The following SLC15A5 variants were observed in gnomAD, a reference collection of about 807,000 sequenced individuals.
SLC15A5 encodes the protein Peptide/histidine transporter ENSP00000340402.
Under a neutral mutation model 56.1 loss-of-function variants are expected in SLC15A5, and 58 were observed. That is an observed-to-expected ratio of 1.03 (90% CI 0.84 to 1.29). The LOEUF is 1.29. Ranked by LOEUF, SLC15A5 falls within the 50% of genes most tolerant of loss-of-function variation. The pLI is 0.00. For synonymous variants in SLC15A5, 264 were observed against 250.5 expected (o/e 1.05, Z -0.51); for missense variants, 681 against 672.1 (o/e 1.01, Z -0.15).
chr12:16,205,455 A>T (rs1351538513), intron 7 of SLC15A5, among the ~76,000 whole-genome samples: 3 of 150,530 alleles, frequency 2.0e-5, no homozygotes, highest in Non-Finnish European at 3.0e-5. Context: ...TGATCATAGA[A>T]AAGGATGCTT....
chr12:16,242,833 G>A (rs1019628898), intron 4 of SLC15A5, among the ~76,000 whole-genome samples: 1 of 152,096 alleles, frequency 6.6e-6, no homozygotes, highest in African/African-American at 2.4e-5. Flanking sequence ...GTTAGCTATG[G>A]GCCATGTAGT....
At chr12:16,270,361 T>C (rs1864738892) in intron 2 of SLC15A5, among the ~76,000 whole-genome samples, 1 of 152,186 alleles carries the variant, frequency 6.6e-6, no homozygotes, top group South Asian at 2.1e-4. Context: ...AAGGGGTATG[T>C]TGTTTTTTAA....
At chr12:16,190,483 T>G (rs1243764503) in intron 8 of SLC15A5, among the ~76,000 whole-genome samples, 2 of 152,212 alleles carry the variant, frequency 1.3e-5, no homozygotes, top group Non-Finnish European at 2.9e-5. Context: ...GACAAATTAC[T>G]TTCTTAAACA....
At chr12:16,236,886 A>T (rs930867764) in intron 5 of SLC15A5, among the ~76,000 whole-genome samples, 4 of 152,232 alleles carry the variant, frequency 2.6e-5, no homozygotes, top group Non-Finnish European at 4.4e-5. Flanking sequence ...TCTAACAGCT[A>T]CGTTTAGCCG....
intron 3 of SLC15A5, among the ~76,000 whole-genome samples, chr12:16,248,901 G>T (rs578119997): frequency 7.3e-4 from 111 of 152,158 alleles, no homozygotes; most frequent in Non-Finnish European, 1.1e-3. Flanking sequence ...CACACCAGGC[G>T]TGCACATTTT....
chr12:16,201,261 A>G (rs1863952132), intron 7 of SLC15A5, among the ~76,000 whole-genome samples: 1 of 152,154 alleles, frequency 6.6e-6, no homozygotes, highest in Non-Finnish European at 1.5e-5. Flanking sequence ...TTCATATGGA[A>G]CCACAAAACA....
intron 1 of SLC15A5, among the ~76,000 whole-genome samples, chr12:16,276,945 T>C (rs1434173066): frequency 6.6e-6 from 1 of 152,084 alleles, no homozygotes; most frequent in Non-Finnish European, 1.5e-5. Flanking sequence ...AAAACCTTTT[T>C]TAGCACATTT....
At chr12:16,261,117 G>T (rs187822867) in intron 2 of SLC15A5, among the ~76,000 whole-genome samples, 1 of 151,894 alleles carries the variant, frequency 6.6e-6, no homozygotes, top group East Asian at 1.9e-4. Flanking sequence ...TATTTGAAGT[G>T]TGCAATTTTA....
intron 5 of SLC15A5, among the ~76,000 whole-genome samples, chr12:16,236,387 C>T (rs1864352092): frequency 6.6e-6 from 1 of 152,236 alleles, no homozygotes; most frequent in Middle Eastern, 3.4e-3. Context: ...CTTGATAAAA[C>T]ACTCTGAGCC....
At chr12:16,209,630 CTT>C (rs1160390353) in intron 7 of SLC15A5, among the ~76,000 whole-genome samples, 1 of 152,144 alleles carries the variant, frequency 6.6e-6, no homozygotes, top group Non-Finnish European at 1.5e-5. Context: ...TAAATGGAAT[CTT>C]TGCCCACCCA....
At chr12:16,251,383 A>T (rs1864517075) in intron 3 of SLC15A5, among the ~76,000 whole-genome samples, 1 of 151,824 alleles carries the variant, frequency 6.6e-6, no homozygotes, top group South Asian at 2.1e-4. Flanking sequence ...AGTAGAAAAA[A>T]CTCAATGAAA....
intron 2 of SLC15A5, among the ~76,000 whole-genome samples, chr12:16,262,613 C>T (rs761424876): frequency 6.6e-6 from 1 of 152,130 alleles, no homozygotes; most frequent in Non-Finnish European, 1.5e-5. Context: ...ATTTCAGGAA[C>T]AAAAATAGCA....
At chr12:16,248,852 A>G (rs1036382103) in intron 3 of SLC15A5, among the ~76,000 whole-genome samples, 2 of 152,084 alleles carry the variant, frequency 1.3e-5, no homozygotes, top group African/African-American at 4.8e-5. Context: ...GAAAAATTCA[A>G]CTGAGACTTC....
At chr12:16,219,938 G>C (rs975485675) in intron 6 of SLC15A5, among the ~76,000 whole-genome samples, 3 of 152,096 alleles carry the variant, frequency 2.0e-5, no homozygotes, top group Admixed American at 6.6e-5. Flanking sequence ...GTAGTAGCTG[G>C]TTAGTGCTTG....
intron 7 of SLC15A5, among the ~76,000 whole-genome samples, chr12:16,197,092 A>T (rs1301011737): frequency 1.3e-5 from 2 of 152,020 alleles, no homozygotes; most frequent in South Asian, 4.1e-4. Flanking sequence ...TCTTAAAAAA[A>T]AAAAGAAAAG....
At chr12:16,241,508 C>T (rs912294523) in intron 4 of SLC15A5, among the ~76,000 whole-genome samples, 42 of 152,190 alleles carry the variant, frequency 2.8e-4, no homozygotes, top group Middle Eastern at 3.2e-3. Flanking sequence ...CTGTAGACAA[C>T]GTGTCCTGGT....
At chr12:16,240,717 T>C (rs1864405985) in intron 4 of SLC15A5, among the ~76,000 whole-genome samples, 1 of 152,188 alleles carries the variant, frequency 6.6e-6, no homozygotes, top group Non-Finnish European at 1.5e-5. Flanking sequence ...GAGTGTGATA[T>C]CAGAACCAAG....
At position 16,194,393 on chromosome 12, in the gene SLC15A5, G is replaced by T. The variant is rs117728539; in HGVS notation, c.1544C>A (p.Ala515Glu). 8,289 of 1,534,998 alleles carry T rather than the reference G, an allele frequency of 5.4e-3. 38 individuals are homozygous for T. Among genetic ancestry groups the T allele is most frequent in the Non-Finnish European group, 6.3e-3 (7,192 of 1,145,282 alleles). The change falls in exon 8 of 9, where the codon GCA becomes GAA. Residue 515 changes from alanine (A) to glutamate (E), a missense_variant. Physicochemically the swap from Ala to Glu is moderately radical, Grantham distance 107. Transcript: ENST00000344941. The part of the protein sequence containing the change: ...GNLESFFFFL[A>E]SLTLLNVLGF... Reference sequence around the variant, plus strand: ...CAGGACGTTCAACAATGTTAATGATGCCAGGAAGAAGAAGAAGCTTTCTAA... The same window carrying T: ...CAGGACGTTCAACAATGTTAATGATTCCAGGAAGAAGAAGAAGCTTTCTAA...
chr12:16,258,090 T>C (rs1864595664), intron 2 of SLC15A5, among the ~76,000 whole-genome samples: 2 of 152,200 alleles, frequency 1.3e-5, no homozygotes, highest in African/African-American at 4.8e-5. Flanking sequence ...AGAATCGATA[T>C]AGAAAGAAGG....
Sources: allele counts gnomAD v4.1 joint callset (sites outside exome capture counted in the v4.1 genomes callset), GRCh38; gene constraint gnomAD v4.1.1; transcripts MANE v1.5; gene names NCBI Gene and HGNC (gene_info 2026-07-23, HGNC 2026-07-21).